The following ZNF385D variants were observed in gnomAD, a reference collection of about 807,000 sequenced individuals.
ZNF385D encodes the protein zinc finger protein 659.
In ZNF385D, 15 loss-of-function variants were observed where a neutral mutation model predicts 35.8. The ratio of observed to expected loss-of-function variants is 0.42; its 90% CI spans 0.28 to 0.64. ZNF385D has a LOEUF of 0.64. Among genes scored for constraint, ZNF385D ranks in the 30% least tolerant of loss-of-function variants. The pLI is 0.23. For missense variants in ZNF385D, 474 were observed against 494.6 expected (o/e 0.96, Z 0.39); for synonymous variants, 212 against 186.8 (o/e 1.13, Z -1.10).
intron 3 of ZNF385D, among the ~76,000 whole-genome samples, chr3:22,121,480 C>T (rs754093432): frequency 2.6e-5 from 4 of 152,052 alleles, no homozygotes; most frequent in Non-Finnish European, 5.9e-5. Context: ...ATTAAAGAAC[C>T]TTAAAATGGT....
At chr3:21,623,390 C>G (rs2065058296) in intron 2 of ZNF385D, among the ~76,000 whole-genome samples, 1 of 151,998 alleles carries the variant, frequency 6.6e-6, no homozygotes. Flanking sequence ...CACCTTTAAT[C>G]CTAGTGCTTT....
chr3:21,736,930 G>A (rs997857418), intron 1 of ZNF385D, among the ~76,000 whole-genome samples: 2 of 152,118 alleles, frequency 1.3e-5, no homozygotes, highest in African/African-American at 4.8e-5. Flanking sequence ...CCTTTTCCCA[G>A]CAATCCCATT....
In ZNF385D at chr3:21,420,123, A is replaced by T; in HGVS notation, c.*1091T>A. On this transcript the variant is annotated 3_prime_UTR_variant, in exon 8 of 8. Transcript: ENST00000281523. ...AGCAGGTAATCTAAAAAACAAGAAA[A>T]ACCCATAAAAATAGCTAATGCTTAA... 1 of 152,230 alleles carries T rather than the reference A, an allele frequency of 6.6e-6. No individual in the cohort carries two copies. The highest frequency in any genetic ancestry group is 1.9e-4 in the East Asian group (1 of 5,184). The allele number at this position is 152,230 out of a possible 1,614,324, so 9.4% of individuals were successfully genotyped here. A position where few individuals can be genotyped will look rare whatever the true frequency, so the allele number is the denominator to read the frequency against.
Position 21,417,866 on chromosome 3 carries a change from G to A in ZNF385D, c.*3348C>T, listed in dbSNP as rs1489796166. 1.3e-5 allele frequency: 2 copies of A among 152,184 alleles called. No homozygotes were observed. Among genetic ancestry groups the A allele is most frequent in the South Asian group, 2.1e-4 (1 of 4,838 alleles). The allele number at this position is 152,184 out of a possible 1,614,324, so 9.4% of individuals were successfully genotyped here. A position where few individuals can be genotyped will look rare whatever the true frequency, so the allele number is the denominator to read the frequency against. The stretch of plus-strand genomic sequence containing the variant: ...ATAATGGCAGTGAATTACTGCGATA[G>A]ATCAGGAGAAGCCAAATAGTACCTA... On this transcript the variant is annotated 3_prime_UTR_variant, in exon 8 of 8. Coordinates refer to ENST00000281523, the MANE Select transcript of ZNF385D (RefSeq NM_024697.3).
intron 3 of ZNF385D, among the ~76,000 whole-genome samples, chr3:21,970,199 A>G (rs1263282292): frequency 6.6e-6 from 1 of 152,176 alleles, no homozygotes; most frequent in Non-Finnish European, 1.5e-5. Context: ...CCATCCAGGA[A>G]AACGTGACTT....
rs3841545 is a variant in ZNF385D at position 21,564,535 on chromosome 3, A to ATT, written c.276+37_276+38dup. ...CTGCAAGATTAGAACAGCAAAATGTATTTTTTTTTTTTAAGTGAACACTAA... is the reference window on the plus strand; with the variant it reads ...CTGCAAGATTAGAACAGCAAAATGTATTTTTTTTTTTTTTAAGTGAACACTAA... On this transcript the variant is annotated intron_variant, in intron 3 of 7. Transcript: ENST00000281523. 70 of 1,130,212 alleles carry ATT rather than the reference A, an allele frequency of 6.2e-5. 1 individual carries two copies. The highest frequency in any genetic ancestry group is 4.8e-4 in the Admixed American group (18 of 37,138). The allele number at this position is 1,130,212 out of a possible 1,614,324, so 70.0% of individuals were successfully genotyped here. A position where few individuals can be genotyped will look rare whatever the true frequency, so the allele number is the denominator to read the frequency against.
intron 3 of ZNF385D, among the ~76,000 whole-genome samples, chr3:22,030,256 C>CAT (rs71044967): frequency 0.043 from 928 of 21,586 alleles, 96 homozygotes; most frequent in Non-Finnish European, 0.06. Flanking sequence ...TAAACTCATT[C>CAT]ATATATATAT....
chr3:22,293,178 G>C (rs1702391410), intron 2 of ZNF385D, among the ~76,000 whole-genome samples: 1 of 151,946 alleles, frequency 6.6e-6, no homozygotes, highest in African/African-American at 2.4e-5. Context: ...CCTAATCCTA[G>C]TTATTATATT....
chr3:21,875,504 C>T (rs1407268243), intron 3 of ZNF385D, among the ~76,000 whole-genome samples: 1 of 152,078 alleles, frequency 6.6e-6, no homozygotes, highest in African/African-American at 2.4e-5. Flanking sequence ...TCTCTAAATA[C>T]CACTTCAAGC....
At chr3:21,959,391 G>A (rs547245562) in intron 3 of ZNF385D, among the ~76,000 whole-genome samples, 13 of 152,156 alleles carry the variant, frequency 8.5e-5, no homozygotes, top group African/African-American at 2.6e-4. Flanking sequence ...AAAACGGTAA[G>A]AGAAAATAAT....
At chr3:21,560,780 G>C (rs1376826627) in intron 3 of ZNF385D, among the ~76,000 whole-genome samples, 1 of 152,180 alleles carries the variant, frequency 6.6e-6, no homozygotes, top group African/African-American at 2.4e-5. Context: ...GTCCCAGGGA[G>C]TTGGGGGTAT....
chr3:21,798,711 C>T (rs1021896183), intron 3 of ZNF385D, among the ~76,000 whole-genome samples: 4 of 152,118 alleles, frequency 2.6e-5, no homozygotes, highest in Non-Finnish European at 5.9e-5. Flanking sequence ...ATCCCAGCCA[C>T]TCAAAGAAGG....
At chr3:22,001,030 T>C (rs1695808990) in intron 3 of ZNF385D, among the ~76,000 whole-genome samples, 1 of 151,968 alleles carries the variant, frequency 6.6e-6, no homozygotes, top group South Asian at 2.1e-4. Context: ...TTACTGAATG[T>C]TATATAAAAT....
chr3:21,511,716 T>C (rs77738560), intron 3 of ZNF385D: 8,376 of 456,558 alleles, frequency 0.018, 293 homozygotes, highest in South Asian at 0.073. Flanking sequence ...AGTGTGTTTG[T>C]ACTACCTAAT....
At chr3:22,291,280 T>C (rs1220678913) in intron 2 of ZNF385D, among the ~76,000 whole-genome samples, 1 of 152,156 alleles carries the variant, frequency 6.6e-6, no homozygotes, top group Non-Finnish European at 1.5e-5. Context: ...ATGTTAAACA[T>C]ATATATTTAT....
chr3:21,594,747 A>G (rs908998405), intron 2 of ZNF385D, among the ~76,000 whole-genome samples: 10 of 152,172 alleles, frequency 6.6e-5, no homozygotes, highest in African/African-American at 2.4e-4. Flanking sequence ...CTTTTCAATA[A>G]GTTTAATCCT....
In ZNF385D at chr3:22,089,135, A is replaced by G. The variant is rs546892989; in HGVS notation, c.325+79682T>C. ...GCATGAGTAAATTGGCTAGATCCCT[A>G]TATTTACAATGTTCAAAGAGAAGGC... On this transcript the variant is annotated intron_variant, in intron 3 of 5. Coordinates refer to the ZNF385D transcript ENST00000494108. 5.9e-5 allele frequency among the ~76,000 whole-genome samples: 9 copies of G among 152,312 alleles called. No homozygotes were observed. The East Asian group carries it at 1.5e-3, about 26-fold the overall frequency.
chr3:22,345,115 T>C (rs191751161), intron 2 of ZNF385D, among the ~76,000 whole-genome samples: 30 of 152,320 alleles, frequency 2.0e-4, no homozygotes, highest in Admixed American at 1.6e-3. Flanking sequence ...ACAGGTGCTA[T>C]GTGATACAGT....
rs10676871 is a variant in ZNF385D, at chr3:22,107,026, G to GTTTTTTTTTTTTTTTTTTTTTTTT, written c.325+61790_325+61791insAAAAAAAAAAAAAAAAAAAAAAAA. 7.8e-4 allele frequency among the ~76,000 whole-genome samples: 93 copies of GTTTTTTTTTTTTTTTTTTTTTTTT among 118,776 alleles called. 10 individuals carry two copies. Among genetic ancestry groups the GTTTTTTTTTTTTTTTTTTTTTTTT allele is most frequent in the Middle Eastern group, 4.8e-3 (1 of 208 alleles). The allele number at this position is 118,776 out of a possible 152,430, so 77.9% of individuals were successfully genotyped here. A position where few individuals can be genotyped will look rare whatever the true frequency, so the allele number is the denominator to read the frequency against. ...TTTATGCAAAAACTTTGGAATGAGA[G>GTTTTTTTTTTTTTTTTTTTTTTTT]TTTTTTTTTTTTTTTTAGACAGAGT... On this transcript the variant is annotated intron_variant, in intron 3 of 5. Coordinates refer to the ZNF385D transcript ENST00000494108.
Sources: gnomAD v4.1 joint callset for allele counts (sites outside exome capture counted in the v4.1 genomes callset) on GRCh38, gnomAD v4.1.1 for gene constraint, MANE v1.5 for transcripts, NCBI Gene and HGNC (gene_info 2026-07-23, HGNC 2026-07-21) for gene names.